Variants in NR3C2 observed in about 807,000 individuals in gnomAD.
NR3C2 encodes the protein nuclear receptor subfamily 3 group C member 2, also known as mineralocorticoid receptor.
Under a neutral mutation model 86.4 loss-of-function variants are expected in NR3C2, and 15 were observed. The ratio of observed to expected loss-of-function variants is 0.17; its 90% confidence interval spans 0.12 to 0.27. NR3C2 has a LOEUF of 0.27. NR3C2 is among the 10% of genes least tolerant of loss of function. NR3C2 has a pLI of 1.00. For missense variants in NR3C2, 960 were observed against 1,195.6 expected (o/e 0.80, Z 2.91); for synonymous variants, 458 against 450.5 (o/e 1.02, Z -0.21).
chr4:148,211,157 T>A lies in NR3C2; in HGVS notation c.1898-16295A>T, dbSNP rs139747950. On this transcript the variant is annotated intron_variant, in intron 3 of 8. Transcript: ENST00000358102. The stretch of plus-strand genomic sequence containing the variant: ...TAAGTTGCAAACTAGTTAAAAGAAT[T>A]CCAAAGCAGTCACAATGGTCTTTGA... Among the ~76,000 whole-genome samples, 654 of 152,206 alleles carry A rather than the reference T, an allele frequency of 4.3e-3. 18 individuals are homozygous for A. The highest frequency in any genetic ancestry group is 5.8e-3 in the East Asian group (30 of 5,186).
intron 6 of NR3C2, among the ~76,000 whole-genome samples, chr4:148,141,446 TCACACA>T (rs763844203): frequency 3.1e-4 from 46 of 149,408 alleles, no homozygotes; most frequent in African/African-American, 1.0e-3. Context: ...TCCCTCTCTC[TCACACA>T]CACACACACA....
At chr4:148,089,501 A>C (rs1730966926) in intron 8 of NR3C2, among the ~76,000 whole-genome samples, 2 of 152,230 alleles carry the variant, frequency 1.3e-5, no homozygotes, top group South Asian at 4.1e-4. Context: ...GTACTGCTGG[A>C]GCAAGAGCGC....
At chr4:148,418,194 G>A (rs977585041) in intron 2 of NR3C2, among the ~76,000 whole-genome samples, 4 of 152,148 alleles carry the variant, frequency 2.6e-5, no homozygotes, top group African/African-American at 2.4e-5. Context: ...GTACATCACT[G>A]TGCAGCCTAT....
chr4:148,444,932 T>C (rs1750510878), upstream of NR3C2: 1 of 984,276 alleles, frequency 1.0e-6, no homozygotes, highest in East Asian at 1.1e-4. Context: ...CCCCGGGCCC[T>C]GGGTGGCCGG....
In NR3C2 at chr4:148,261,329, G is replaced by A. The variant is rs1261147488; in HGVS notation, c.1758-1212C>T. Among the ~76,000 whole-genome samples the A allele has an allele frequency of 6.0e-5, 9 of 151,240 alleles. No homozygotes were observed. The East Asian group carries it at 7.8e-4, about 13-fold the overall frequency. The stretch of plus-strand genomic sequence containing the variant: ...TGCGCTATGGTAAGCGCTATGGTGC[G>A]CTATGGTAAGCCCTATGGTGCGCTA... On this transcript the variant is annotated intron_variant, in intron 2 of 8. Transcript: ENST00000358102.
intron 2 of NR3C2, among the ~76,000 whole-genome samples, chr4:148,354,303 A>C (rs2149996188): frequency 6.6e-6 from 1 of 152,260 alleles, no homozygotes; most frequent in South Asian, 2.1e-4. Context: ...TATATTATAT[A>C]TAAACATATA....
intron 6 of NR3C2, among the ~76,000 whole-genome samples, chr4:148,144,351 C>T (rs571106715): frequency 4.6e-5 from 7 of 152,130 alleles, no homozygotes; most frequent in African/African-American, 1.7e-4. Flanking sequence ...ACCACAGGTG[C>T]ACACTACTGT....
intron 2 of NR3C2, among the ~76,000 whole-genome samples, chr4:148,421,382 C>T (rs1047419283): frequency 1.1e-4 from 17 of 152,270 alleles, no homozygotes; most frequent in African/African-American, 4.1e-4. Flanking sequence ...GCAGTGTATT[C>T]GTCTCTTTAA....
At position 148,358,404 on chromosome 4, in the gene NR3C2, A is replaced by G. The variant is rs1745662886; in HGVS notation, c.1757+76700T>C. Among the ~76,000 whole-genome samples the G allele has an allele frequency of 3.5e-5, 5 of 142,194 alleles. No individual in the cohort carries two copies. In the South Asian group the frequency reaches 1.1e-3, roughly 31 times the overall value. 93.3% of individuals were successfully genotyped at this position (142,194 alleles called of 152,430 possible). ...CCAAACACCGCATATTCTCACTCAT[A>G]GGTGGGAATTGAACAATGAGATCAC... On this transcript the variant is annotated intron_variant, in intron 2 of 8. Coordinates refer to ENST00000358102, the MANE Select transcript of NR3C2 (RefSeq NM_000901.5).
intron 8 of NR3C2, among the ~76,000 whole-genome samples, chr4:148,104,342 G>GGTTTGGTTTTTTTTTTTTTTTTT (rs1731686588): frequency 3.1e-5 from 2 of 63,798 alleles, no homozygotes; most frequent in African/African-American, 5.5e-5. Flanking sequence ...TTTTGGTTTG[G>GGTTTGGTTTTTTTTTTTTTTTTT]TTTTTTTTTT....
At chr4:148,420,789 T>C (rs913524449) in intron 2 of NR3C2, among the ~76,000 whole-genome samples, 3 of 152,154 alleles carry the variant, frequency 2.0e-5, no homozygotes, top group Non-Finnish European at 4.4e-5. Flanking sequence ...AGGGTTCTCA[T>C]GAGATCTGGT....
intron 2 of NR3C2, among the ~76,000 whole-genome samples, chr4:148,385,689 C>A (rs1426033152): frequency 6.6e-6 from 1 of 152,088 alleles, no homozygotes; most frequent in Non-Finnish European, 1.5e-5. Flanking sequence ...ATTTCATCAT[C>A]CTAAACAAGA....
chr4:148,139,990 C>CTAA (rs1375153239), intron 6 of NR3C2, among the ~76,000 whole-genome samples: 1 of 152,190 alleles, frequency 6.6e-6, no homozygotes, highest in Non-Finnish European at 1.5e-5. Flanking sequence ...TCATAAAATG[C>CTAA]TTTAAACAGC....
intron 3 of NR3C2, among the ~76,000 whole-genome samples, chr4:148,249,016 G>A (rs573194587): frequency 6.6e-6 from 1 of 152,268 alleles, no homozygotes; most frequent in East Asian, 1.9e-4. Flanking sequence ...CTGAGTCTCT[G>A]AGTGGGCAGT....
intron 6 of NR3C2, among the ~76,000 whole-genome samples, chr4:148,124,958 C>T (rs1732677289): frequency 2.0e-5 from 3 of 152,170 alleles, no homozygotes; most frequent in East Asian, 3.9e-4. Flanking sequence ...GGTATTTTTC[C>T]TTTACATATC....
intron 3 of NR3C2, among the ~76,000 whole-genome samples, chr4:148,196,464 G>A (rs1415736100): frequency 6.6e-6 from 1 of 152,138 alleles, no homozygotes; most frequent in Non-Finnish European, 1.5e-5. Flanking sequence ...GCATAGACTG[G>A]AGAGTGAAGC....
chr4:148,366,736 T>G (rs1746162432), intron 2 of NR3C2, among the ~76,000 whole-genome samples: 1 of 152,128 alleles, frequency 6.6e-6, no homozygotes, highest in African/African-American at 2.4e-5. Context: ...CCAGAGGGAC[T>G]ACTCTCCATC....
intron 3 of NR3C2, among the ~76,000 whole-genome samples, chr4:148,239,861 G>A (rs937747795): frequency 3.3e-5 from 5 of 152,052 alleles, no homozygotes; most frequent in Non-Finnish European, 7.4e-5. Flanking sequence ...GGTTTTCCTC[G>A]GTGGTCAAAC....
chr4:148,406,067 G>C (rs1748408452), intron 2 of NR3C2, among the ~76,000 whole-genome samples: 1 of 152,146 alleles, frequency 6.6e-6, no homozygotes, highest in Non-Finnish European at 1.5e-5. Flanking sequence ...TTGGAAGCCT[G>C]AGGCAGGAGG....
Sources: gnomAD v4.1 joint callset for allele counts (sites outside exome capture counted in the v4.1 genomes callset) on GRCh38, gnomAD v4.1.1 for gene constraint, MANE v1.5 for transcripts, NCBI Gene and HGNC (gene_info 2026-07-23, HGNC 2026-07-21) for gene names.